Variants in ELMO1 observed in about 807,000 individuals in gnomAD.
The protein encoded by ELMO1 is engulfment and cell motility 1, also known as engulfment and cell motility protein 1.
A neutral mutation model predicts 98.9 loss-of-function variants in ELMO1; 26 were observed. The ratio of observed to expected loss-of-function variants is 0.26; its 90% CI spans 0.19 to 0.36. ELMO1 has a LOEUF of 0.36. ELMO1 is among the 10% of genes least tolerant of loss of function. The probability of loss-of-function intolerance (pLI) is 1.00; values close to 1 mark genes in which losing one functional copy is unlikely to be tolerated. For missense variants in ELMO1, 627 were observed against 935.2 expected (o/e 0.67, Z 4.30); for synonymous variants, 346 against 346.0 (o/e 1.00, Z 0.00).
chr7:37,326,783 A>C (rs995648714), intron 2 of ELMO1, among the ~76,000 whole-genome samples: 2 of 152,214 alleles, frequency 1.3e-5, no homozygotes, highest in Admixed American at 6.5e-5. Context: ...TGAATGTATT[A>C]ACGGGTTAAA....
At chr7:37,176,110 C>G (rs1394532138) in intron 13 of ELMO1, among the ~76,000 whole-genome samples, 1 of 152,182 alleles carries the variant, frequency 6.6e-6, no homozygotes, top group East Asian at 1.9e-4. Context: ...CTGTCATTTA[C>G]TAGAGATAAT....
intron 1 of ELMO1, among the ~76,000 whole-genome samples, chr7:37,398,666 AC>A (rs67522940): frequency 0.29 from 44,347 of 151,852 alleles, 6,654 homozygotes; most frequent in South Asian, 0.37. Context: ...GCTCACGTGT[AC>A]TGCTGCTATC....
chr7:37,041,227 A>G (rs1046778290), intron 15 of ELMO1, among the ~76,000 whole-genome samples: 14 of 152,260 alleles, frequency 9.2e-5, no homozygotes, highest in African/African-American at 3.4e-4. Context: ...ACATTGTTGC[A>G]CTGACCTTGG....
intron 1 of ELMO1, among the ~76,000 whole-genome samples, chr7:37,443,838 C>G (rs900258173): frequency 2.6e-5 from 4 of 152,178 alleles, no homozygotes; most frequent in African/African-American, 9.7e-5. Flanking sequence ...ACACATGGTC[C>G]TGGGAGCCAC....
intron 9 of ELMO1, among the ~76,000 whole-genome samples, 178 bp from the exon 10 acceptor site, chr7:37,222,871 G>A (rs983438363): frequency 6.6e-6 from 1 of 152,172 alleles, no homozygotes; most frequent in African/African-American, 2.4e-5. Context: ...TCACAAGGTG[G>A]TAAATATACA....
chr7:36,960,746 G>C (rs1287483924), intron 16 of ELMO1, among the ~76,000 whole-genome samples: 1 of 151,984 alleles, frequency 6.6e-6, no homozygotes, highest in Non-Finnish European at 1.5e-5. Flanking sequence ...ACTGAAAATA[G>C]TACTGTAAAA....
At chr7:37,335,737 T>C (rs907209190) in intron 2 of ELMO1, among the ~76,000 whole-genome samples, 8 of 152,208 alleles carry the variant, frequency 5.3e-5, no homozygotes, top group African/African-American at 1.9e-4. Context: ...GAAAACTATG[T>C]ATCTCTTCCC....
chr7:37,400,387 G>T (rs973201779), intron 1 of ELMO1, among the ~76,000 whole-genome samples: 1 of 152,014 alleles, frequency 6.6e-6, no homozygotes, highest in Non-Finnish European at 1.5e-5. Context: ...TAAAAAAAAA[G>T]TCAGCTTCAC....
intron 18 of ELMO1, among the ~76,000 whole-genome samples, chr7:36,884,323 A>G (rs1160191168): frequency 6.6e-6 from 1 of 152,046 alleles, no homozygotes; most frequent in East Asian, 1.9e-4. Context: ...TCAAAAAAAA[A>G]AAAAAAATCT....
chr7:37,105,434 T>C (rs535334924), intron 14 of ELMO1, among the ~76,000 whole-genome samples: 2 of 152,210 alleles, frequency 1.3e-5, no homozygotes, highest in South Asian at 4.1e-4. Flanking sequence ...TGGGTACAGG[T>C]GTAGGGGGCA....
intron 13 of ELMO1, among the ~76,000 whole-genome samples, chr7:37,194,675 T>A (rs956147752): frequency 5.3e-5 from 8 of 152,198 alleles, no homozygotes; most frequent in African/African-American, 1.9e-4. Flanking sequence ...CCACTCCTTG[T>A]TGGTCACCCA....
chr7:36,868,891 C>T (rs183936432), intron 20 of ELMO1, among the ~76,000 whole-genome samples: 7 of 152,260 alleles, frequency 4.6e-5, no homozygotes, highest in Admixed American at 2.6e-4. Context: ...CCAAGTGTTA[C>T]GTAACTGTGG....
intron 13 of ELMO1, among the ~76,000 whole-genome samples, chr7:37,187,274 G>A (rs747240918): frequency 2.1e-4 from 32 of 152,118 alleles, no homozygotes; most frequent in Non-Finnish European, 3.2e-4. Flanking sequence ...TATAGACAAC[G>A]TAGACTAATT....
chr7:37,213,636 T>C (rs1563081254), intron 11 of ELMO1, among the ~76,000 whole-genome samples, 179 bp from the exon 12 acceptor site: 2 of 152,286 alleles, frequency 1.3e-5, no homozygotes, highest in East Asian at 3.9e-4. Context: ...GTAAGGTTCC[T>C]GATCTTCAGG....
At chr7:37,164,741 C>G (rs1049751301) in intron 13 of ELMO1, among the ~76,000 whole-genome samples, 2 of 149,274 alleles carry the variant, frequency 1.3e-5, no homozygotes, top group Non-Finnish European at 1.5e-5. Context: ...GTTACTGTAG[C>G]CTTGTAGTAT....
At chr7:36,915,141 G>T (rs919917029) in intron 16 of ELMO1, among the ~76,000 whole-genome samples, 1 of 152,036 alleles carries the variant, frequency 6.6e-6, no homozygotes, top group Non-Finnish European at 1.5e-5. Flanking sequence ...TGCCCAGGCT[G>T]GTCTTGAACT....
chr7:36,976,219 C>A lies in ELMO1; in HGVS notation c.1437+37080G>T, dbSNP rs187953850. Among the ~76,000 whole-genome samples, 358 of 152,312 alleles carry A rather than the reference C, an allele frequency of 2.4e-3. 1 individual carries two copies. Among genetic ancestry groups the A allele is most frequent in the African/African-American group, 8.1e-3 (335 of 41,562 alleles). Reference sequence around the variant, plus strand: ...CAGGCCATCATCCACTAATGCCTGACCTAGAACCAAAACTCCCATTTTACT... The same window carrying A: ...CAGGCCATCATCCACTAATGCCTGAACTAGAACCAAAACTCCCATTTTACT... On this transcript the variant is annotated intron_variant, in intron 16 of 21. Transcript: ENST00000310758.
At chr7:37,426,279 A>G (rs1048214681) in intron 1 of ELMO1, among the ~76,000 whole-genome samples, 2 of 149,072 alleles carry the variant, frequency 1.3e-5, no homozygotes, top group African/African-American at 4.9e-5. Flanking sequence ...TCAGCCTCCA[A>G]AGTAGCTGGG....
At position 37,131,106 on chromosome 7, in the gene ELMO1, C is replaced by T. The variant is rs1786890651; in HGVS notation, c.1191+2024G>A. 2.0e-5 allele frequency among the ~76,000 whole-genome samples: 3 copies of T among 151,982 alleles called. No homozygotes were observed. In the South Asian group the frequency reaches 6.2e-4, roughly 32 times the overall value. On this transcript the variant is annotated intron_variant, in intron 14 of 21. Transcript: ENST00000310758. Reference sequence around the variant, plus strand: ...ATTGTCAAAGTCACCCTAAAATTTCCTTGCAGAGATCTTCAGAATTTATAT... The same window carrying T: ...ATTGTCAAAGTCACCCTAAAATTTCTTTGCAGAGATCTTCAGAATTTATAT...
Sources: allele counts gnomAD v4.1 joint callset (sites outside exome capture counted in the v4.1 genomes callset), GRCh38; gene constraint gnomAD v4.1.1; transcripts MANE v1.5; gene names NCBI Gene and HGNC (gene_info 2026-07-23, HGNC 2026-07-21).